Variants in ARID1B observed in about 807,000 individuals in gnomAD.
ARID1B encodes AT-rich interaction domain 1B.
Under a neutral mutation model 212.3 loss-of-function variants are expected in ARID1B, and 30 were observed. The ratio of observed to expected loss-of-function variants is 0.14; its 90% confidence interval spans 0.11 to 0.19. The LOEUF (loss-of-function observed/expected upper bound fraction) is 0.19. Ranked by LOEUF, ARID1B falls within the 10% of genes least tolerant of loss-of-function variation. ARID1B has a pLI of 1.00. For missense variants in ARID1B, 2,891 were observed against 3,204.0 expected, an observed-to-expected ratio of 0.90 and a Z score of 2.36; for synonymous variants, 1,402 against 1,301.7, an observed-to-expected ratio of 1.08 and a Z score of -1.66.
intron 4 of ARID1B, among the ~76,000 whole-genome samples, chr6:157,044,038 T>C (rs1393968176): frequency 6.6e-6 from 1 of 152,212 alleles, no homozygotes; most frequent in Admixed American, 6.5e-5. Context: ...GATCTTACAT[T>C]CTGGACACAA....
At chr6:156,922,448 C>T (rs895908413) in intron 3 of ARID1B, among the ~76,000 whole-genome samples, 1 of 152,172 alleles carries the variant, frequency 6.6e-6, no homozygotes. Flanking sequence ...GTTGGGATTA[C>T]AGGGTGAGTC....
intron 4 of ARID1B, among the ~76,000 whole-genome samples, chr6:157,018,863 G>A (rs1437067412): frequency 6.7e-6 from 1 of 149,530 alleles, no homozygotes; most frequent in Non-Finnish European, 1.5e-5. Context: ...CAGTGCAGTA[G>A]TACATAAAGT....
intron 4 of ARID1B, among the ~76,000 whole-genome samples, chr6:156,994,385 T>C (rs1443786915): frequency 6.6e-6 from 1 of 152,072 alleles, no homozygotes. Flanking sequence ...CTCTCAGCAG[T>C]TTAGATTCCA....
intron 4 of ARID1B, among the ~76,000 whole-genome samples, chr6:156,996,948 T>C (rs1284445004): frequency 1.3e-5 from 2 of 152,092 alleles, no homozygotes; most frequent in Non-Finnish European, 2.9e-5. Context: ...AAATATGATA[T>C]TTGATGTTGA....
At chr6:156,992,926 A>G (rs943303731) in intron 4 of ARID1B, among the ~76,000 whole-genome samples, 2 of 152,248 alleles carry the variant, frequency 1.3e-5, no homozygotes, top group Admixed American at 6.5e-5. Context: ...ATTTAAAAAA[A>G]TAGTATTCAG....
At chr6:157,084,635 C>G (rs759036809) in intron 4 of ARID1B, 27 bp from the exon 5 acceptor site, 5 of 1,611,100 alleles carry the variant, frequency 3.1e-6, no homozygotes, top group Non-Finnish European at 4.2e-6. Context: ...ACGTGTCACT[C>G]TATAAATACA....
intron 4 of ARID1B, among the ~76,000 whole-genome samples, chr6:157,017,159 G>A (rs1387978946): frequency 2.6e-5 from 4 of 152,204 alleles, no homozygotes; most frequent in Non-Finnish European, 5.9e-5. Context: ...CAACTTCTGC[G>A]CCCCAGGGAA....
intron 2 of ARID1B, among the ~76,000 whole-genome samples, chr6:156,882,018 T>A (rs1787139142): frequency 6.6e-6 from 1 of 152,246 alleles, no homozygotes; most frequent in African/African-American, 2.4e-5. Context: ...AGTATTTTTT[T>A]AAGCATCTGC....
At position 157,163,731 on chromosome 6, in the gene ARID1B, C is replaced by A. The variant is rs149495683; in HGVS notation, c.3090-3309C>A. Among the ~76,000 whole-genome samples the A allele has an allele frequency of 1.0e-3, 158 of 152,350 alleles. 1 individual carries two copies. The highest frequency in any genetic ancestry group is 3.5e-3 in the African/African-American group (145 of 41,580). On this transcript the variant is annotated intron_variant, in intron 8 of 19. Coordinates refer to ENST00000636930, the MANE Select transcript of ARID1B (RefSeq NM_001374828.1). ...TCCCTGAAGCCTGTATTCCAGGACT[C>A]CCGGAGAGTTTACACCCTCTGGTTT... is the stretch of plus-strand genomic sequence containing the variant.
At chr6:156,875,538 C>T (rs1419541270) in intron 2 of ARID1B, among the ~76,000 whole-genome samples, 2 of 152,204 alleles carry the variant, frequency 1.3e-5, no homozygotes, top group African/African-American at 2.4e-5. Context: ...TTTTATTTCA[C>T]ACTCTAGATT....
chr6:157,108,829 G>T (rs1786684236), intron 5 of ARID1B, among the ~76,000 whole-genome samples: 1 of 152,118 alleles, frequency 6.6e-6, no homozygotes, highest in African/African-American at 2.4e-5. Context: ...AATGTAAAAA[G>T]CAGCTTCTAG....
chr6:156,840,040 G>A (rs1047626626), intron 2 of ARID1B, among the ~76,000 whole-genome samples: 4 of 152,186 alleles, frequency 2.6e-5, no homozygotes, highest in African/African-American at 7.2e-5. Flanking sequence ...AATTGTTCTC[G>A]ACAGTTCCAA....
intron 4 of ARID1B, among the ~76,000 whole-genome samples, chr6:156,945,650 G>A (rs561483096): frequency 2.1e-4 from 32 of 152,192 alleles, no homozygotes; most frequent in Non-Finnish European, 2.8e-4. Context: ...TGCTGTACCC[G>A]GAAAAAGTTT....
chr6:157,034,988 C>A (rs1474518999), intron 4 of ARID1B, among the ~76,000 whole-genome samples: 4 of 152,136 alleles, frequency 2.6e-5, no homozygotes, highest in African/African-American at 4.8e-5. Flanking sequence ...GTGAAGGGTG[C>A]CCTGGTGGGA....
chr6:156,972,579 T>G (rs1426576816), intron 4 of ARID1B, among the ~76,000 whole-genome samples: 1 of 152,234 alleles, frequency 6.6e-6, no homozygotes, highest in Non-Finnish European at 1.5e-5. Context: ...ATAGCATGGT[T>G]TGAAATCAGA....
chr6:156,928,650 A>G (rs1469548610), intron 3 of ARID1B, among the ~76,000 whole-genome samples: 1 of 152,204 alleles, frequency 6.6e-6, no homozygotes, highest in Non-Finnish European at 1.5e-5. Context: ...CTTAAAGGAC[A>G]GGGAGAAAGA....
At chr6:156,900,966 C>CCA (rs1225971158) in intron 2 of ARID1B, among the ~76,000 whole-genome samples, 2 of 152,196 alleles carry the variant, frequency 1.3e-5, no homozygotes, top group Non-Finnish European at 2.9e-5. Flanking sequence ...AGCACCCAAA[C>CCA]CACAGGCCTT....
intron 4 of ARID1B, among the ~76,000 whole-genome samples, chr6:156,947,619 C>T (rs1244076915): frequency 6.8e-6 from 1 of 146,872 alleles, no homozygotes; most frequent in African/African-American, 2.5e-5. Context: ...TTACTCTGAA[C>T]TCTGAAGGGC....
chr6:156,777,867 G>A lies in ARID1B; in HGVS notation c.187G>A (p.Asp63Asn). 7.4e-7 allele frequency: 1 copy of A among 1,345,260 alleles called. No homozygotes were observed. Among genetic ancestry groups the A allele is most frequent in the Non-Finnish European group, 9.5e-7 (1 of 1,054,986 alleles). The allele number at this position is 1,345,260 out of a possible 1,614,324, so 83.3% of individuals were successfully genotyped here. ...APGPMLGGGG[D>N]GGGGLNSVHH... ...GGGACCCATGCTGGGGGGCGGCGGC[G>A]ACGGCGGCGGCGGCCTGAACAGTGT... Residue 63 changes from aspartate (D) to asparagine (N), a missense_variant, in exon 1 of 20, where the codon GAC (aspartate) becomes AAC (asparagine). By Grantham distance (23) the Asp-to-Asn change is conservative. Coordinates refer to ENST00000636930, the MANE Select transcript of ARID1B (RefSeq NM_001374828.1).
Sources: allele counts gnomAD v4.1 joint callset (sites outside exome capture counted in the v4.1 genomes callset), GRCh38; gene constraint gnomAD v4.1.1; transcripts MANE v1.5; gene names NCBI Gene and HGNC (gene_info 2026-07-23, HGNC 2026-07-21).